Variants in NEGR1 observed in about 807,000 individuals in gnomAD.
The protein encoded by NEGR1 is neuronal growth regulator 1.
A neutral mutation model predicts 40.9 loss-of-function variants in NEGR1; 10 were observed. That is an observed-to-expected ratio of 0.24 (90% confidence interval 0.15 to 0.42). The LOEUF (loss-of-function observed/expected upper bound fraction) is 0.42, where lower values mean the gene tolerates loss of function less well. Ranked by LOEUF, NEGR1 falls within the 10% of genes least tolerant of loss-of-function variation. The probability of loss-of-function intolerance (pLI) is 1.00; values close to 1 mark genes in which losing one functional copy is unlikely to be tolerated. For synonymous variants in NEGR1, 185 were observed against 166.8 expected (o/e 1.11, Z -0.84); for missense variants, 352 against 438.9 (o/e 0.80, Z 1.77).
At chr1:72,200,623 A>C (rs370150681) in intron 1 of NEGR1, among the ~76,000 whole-genome samples, 1 of 152,090 alleles carries the variant, frequency 6.6e-6, no homozygotes, top group East Asian at 1.9e-4. Context: ...AAACCTGTAC[A>C]TGTACCCCCA....
chr1:71,767,279 A>C (rs1204024968), intron 3 of NEGR1, among the ~76,000 whole-genome samples: 3 of 152,156 alleles, frequency 2.0e-5, no homozygotes, highest in Non-Finnish European at 2.9e-5. Flanking sequence ...TGGACAATGA[A>C]ATCCAGGCTG....
intron 3 of NEGR1, among the ~76,000 whole-genome samples, chr1:71,775,959 C>CTGCA (rs1656490622): frequency 1.3e-5 from 2 of 151,118 alleles, no homozygotes; most frequent in African/African-American, 4.9e-5. Context: ...CGCCACTGAG[C>CTGCA]TGCAGCCTGG....
At chr1:71,939,112 CCAA>C (rs1645936596) in intron 1 of NEGR1, among the ~76,000 whole-genome samples, 1 of 152,138 alleles carries the variant, frequency 6.6e-6, no homozygotes, top group African/African-American at 2.4e-5. Context: ...AGCTGTGCTT[CCAA>C]CAAGTCAGGC....
intron 2 of NEGR1, among the ~76,000 whole-genome samples, chr1:71,780,040 CAAAAAAAAAAAAAAAAAAAA>C (rs57576840): frequency 1.0e-5 from 1 of 99,734 alleles, no homozygotes; most frequent in South Asian, 3.1e-4. Context: ...ATAGGAAAAC[CAAAAAAAAAAAAAAAAAAAA>C]AAAAAAAAAA....
chr1:71,410,075 A>G (rs1284385228), intron 6 of NEGR1, among the ~76,000 whole-genome samples: 1 of 152,100 alleles, frequency 6.6e-6, no homozygotes, highest in East Asian at 1.9e-4. Flanking sequence ...AGATATTACC[A>G]ATAGCGTATT....
At chr1:71,767,046 T>G (rs990767389) in intron 3 of NEGR1, among the ~76,000 whole-genome samples, 4 of 152,170 alleles carry the variant, frequency 2.6e-5, no homozygotes, top group Non-Finnish European at 5.9e-5. Context: ...AATTATGCAG[T>G]CTCGGGTATT....
intron 6 of NEGR1, among the ~76,000 whole-genome samples, chr1:71,472,917 A>T (rs1646791635): frequency 6.6e-6 from 1 of 152,102 alleles, no homozygotes; most frequent in East Asian, 1.9e-4. Flanking sequence ...AAATTAAAAG[A>T]TTAAAGATGG....
At chr1:71,595,762 A>T (rs2101525061) in intron 5 of NEGR1, among the ~76,000 whole-genome samples, 1 of 152,264 alleles carries the variant, frequency 6.6e-6, no homozygotes, top group Non-Finnish European at 1.5e-5. Flanking sequence ...GGAACTTGTT[A>T]ATATAAACAT....
chr1:71,873,021 A>T (rs887213836), intron 2 of NEGR1, among the ~76,000 whole-genome samples: 24 of 151,304 alleles, frequency 1.6e-4, no homozygotes, highest in African/African-American at 5.6e-4. Context: ...ATATTTTATG[A>T]CTCAGACATA....
At chr1:72,015,176 GTGTCCC>G (rs1016577137) in intron 1 of NEGR1, among the ~76,000 whole-genome samples, 8 of 151,986 alleles carry the variant, frequency 5.3e-5, no homozygotes, top group African/African-American at 1.7e-4. Flanking sequence ...TTAAGAAAAA[GTGTCCC>G]TGAATTTGTC....
At chr1:71,597,472 C>CTCTCTCTCTCTCTCTCTCTCTGTG (rs756076229) in intron 5 of NEGR1, among the ~76,000 whole-genome samples, 9 of 31,324 alleles carry the variant, frequency 2.9e-4, no homozygotes, top group African/African-American at 9.1e-4. Context: ...CTCTCTCTCT[C>CTCTCTCTCTCTCTCTCTCTCTGTG]TGTGTGTGTG....
chr1:71,506,248 AT>A (rs1647034162), intron 6 of NEGR1, among the ~76,000 whole-genome samples: 2 of 152,208 alleles, frequency 1.3e-5, no homozygotes, highest in Admixed American at 1.3e-4. Context: ...GCAGGCCCTC[AT>A]TGCAGCCCTG....
Position 71,730,569 on chromosome 1 carries a change from TTATATA to T in NEGR1, c.536-32436_536-32431del, listed in dbSNP as rs56382019. Among the ~76,000 whole-genome samples the T allele has an allele frequency of 1.5e-3, 202 of 134,712 alleles. 3 individuals carry two copies. The highest frequency in any genetic ancestry group is 5.0e-3 in the African/African-American group (180 of 36,110). 88.4% of individuals were successfully genotyped at this position (134,712 alleles called of 152,430 possible). A position where few individuals can be genotyped will look rare whatever the true frequency, so the allele number is the denominator to read the frequency against. ...TTATATGTGTATATATAGTATAAAT[TTATATA>T]TATATATATATATATATAAATTTGA... On this transcript the variant is annotated intron_variant, in intron 3 of 6. Transcript: ENST00000357731.
chr1:71,699,208 T>C (rs1234626427), intron 3 of NEGR1, among the ~76,000 whole-genome samples: 1 of 151,932 alleles, frequency 6.6e-6, no homozygotes, highest in Non-Finnish European at 1.5e-5. Flanking sequence ...GTAAGAATGT[T>C]CCATTTTAAT....
intron 2 of NEGR1, among the ~76,000 whole-genome samples, chr1:71,800,683 C>T (rs183522075): frequency 5.3e-5 from 8 of 152,188 alleles, no homozygotes; most frequent in Admixed American, 2.6e-4. Flanking sequence ...TAAGAGAGGA[C>T]TGTGTTCCCA....
intron 1 of NEGR1, among the ~76,000 whole-genome samples, chr1:72,177,677 T>G (rs1220913513): frequency 6.6e-6 from 1 of 152,004 alleles, no homozygotes; most frequent in African/African-American, 2.4e-5. Flanking sequence ...TAAATGTAAT[T>G]GTAGAATACA....
chr1:72,216,687 T>G (rs923681919), intron 1 of NEGR1, among the ~76,000 whole-genome samples: 1 of 150,960 alleles, frequency 6.6e-6, no homozygotes, highest in African/African-American at 2.4e-5. Flanking sequence ...TTGATCACTA[T>G]GCCAGTGAGT....
chr1:71,990,348 T>A (rs1019774613), intron 1 of NEGR1, among the ~76,000 whole-genome samples: 1 of 152,150 alleles, frequency 6.6e-6, no homozygotes, highest in South Asian at 2.1e-4. Context: ...AATACTGCTC[T>A]TTTCTATTGT....
intron 2 of NEGR1, among the ~76,000 whole-genome samples, chr1:71,883,825 G>A (rs1490487883): frequency 2.7e-5 from 4 of 148,560 alleles, no homozygotes; most frequent in Non-Finnish European, 4.4e-5. Context: ...AACATGTGGT[G>A]TTTGGTTTTC....
Sources: gnomAD v4.1 joint callset for allele counts (sites outside exome capture counted in the v4.1 genomes callset) on GRCh38, gnomAD v4.1.1 for gene constraint, MANE v1.5 for transcripts, NCBI Gene and HGNC (gene_info 2026-07-23, HGNC 2026-07-21) for gene names.